Variants in UBE2QL1 observed in about 807,000 individuals in gnomAD.
UBE2QL1 encodes ubiquitin-conjugating enzyme E2Q-like protein 1.
A neutral mutation model predicts 12.6 loss-of-function variants in UBE2QL1; 5 were observed. That is an observed-to-expected ratio of 0.40 (90% CI 0.21 to 0.83). The LOEUF (loss-of-function observed/expected upper bound fraction) is 0.83, where lower values mean the gene tolerates loss of function less well. Among genes scored for constraint, UBE2QL1 ranks in the 40% least tolerant of loss-of-function variants. The probability of loss-of-function intolerance (pLI) is 0.37; values close to 1 mark genes in which losing one functional copy is unlikely to be tolerated. For missense variants in UBE2QL1, 99 were observed against 222.6 expected (o/e 0.44, Z 3.53); for synonymous variants, 96 against 94.5 (o/e 1.02, Z -0.10).
At chr5:6,482,567 C>T (rs1019697105) in intron 1 of UBE2QL1, among the ~76,000 whole-genome samples, 1 of 150,596 alleles carries the variant, frequency 6.6e-6, no homozygotes, top group African/African-American at 2.4e-5. Flanking sequence ...TAGGTACCCC[C>T]TCCTGCACTC....
In UBE2QL1 at chr5:6,480,583, A is replaced by G. The variant is rs1001865825; in HGVS notation, c.355-10635A>G. On this transcript the variant is annotated intron_variant, in intron 1 of 1. Coordinates refer to ENST00000399816, the MANE Select transcript of UBE2QL1 (RefSeq NM_001145161.3). ...TATCTCATATCATTACATTTTTAGC[A>G]AAAAGTTCCTTTTTCTGCGCTTGCT... Among the ~76,000 whole-genome samples the G allele has an allele frequency of 2.6e-5, 4 of 152,342 alleles. No individual in the cohort carries two copies. The South Asian group carries it at 8.3e-4, about 32-fold the overall frequency.
At chr5:6,482,780 C>A (rs924548269) in intron 1 of UBE2QL1, among the ~76,000 whole-genome samples, 1 of 152,192 alleles carries the variant, frequency 6.6e-6, no homozygotes, top group Admixed American at 6.5e-5. Context: ...CAACACTCTG[C>A]GGTGCACATG....
At chr5:6,469,561 A>AGT (rs763837213) in intron 1 of UBE2QL1, among the ~76,000 whole-genome samples, 5,726 of 146,188 alleles carry the variant, frequency 0.039, 131 homozygotes, top group South Asian at 0.089. Flanking sequence ...ATATAATCTA[A>AGT]GTGTGTGTGT....
intron 1 of UBE2QL1, among the ~76,000 whole-genome samples, chr5:6,489,276 T>C (rs1734520705): frequency 6.6e-6 from 1 of 151,768 alleles, no homozygotes. Context: ...AATAAAAAAT[T>C]AGATAAATGT....
At position 6,494,776 on chromosome 5, in the gene UBE2QL1, T is replaced by TAGG. The variant is rs1278937620; in HGVS notation, c.*3428_*3429insGGA. The TAGG allele has an allele frequency of 1.3e-5, 2 of 152,204 alleles. No individual in the cohort carries two copies. The highest frequency in any genetic ancestry group is 1.5e-5 in the Non-Finnish European group (1 of 68,038). 9.4% of individuals were successfully genotyped at this position (152,204 alleles called of 1,614,324 possible). On this transcript the variant is annotated 3_prime_UTR_variant, in exon 2 of 2. Coordinates refer to ENST00000399816, the MANE Select transcript of UBE2QL1 (RefSeq NM_001145161.3). ...ATACTTGCTTTCTGTCCCCAGTTCT[T>TAGG]ACATTAAGTCAACCAACTGACCCAA... is the stretch of plus-strand genomic sequence containing the variant.
chr5:6,480,259 A>G (rs1734332631), intron 1 of UBE2QL1, among the ~76,000 whole-genome samples: 1 of 152,180 alleles, frequency 6.6e-6, no homozygotes, highest in Non-Finnish European at 1.5e-5. Context: ...AGTGACTCCA[A>G]GCACCTTATT....
At chr5:6,461,520 C>T in intron 1 of UBE2QL1, among the ~76,000 whole-genome samples, 1 of 142,542 alleles carries the variant, frequency 7.0e-6, no homozygotes, top group Non-Finnish European at 1.5e-5. Flanking sequence ...TCCTCCTATC[C>T]CCAGTGTTTT....
intron 1 of UBE2QL1, among the ~76,000 whole-genome samples, chr5:6,463,784 T>C (rs272478): frequency 0.72 from 108,213 of 150,308 alleles, 39,292 homozygotes; most frequent in Non-Finnish European, 0.78. Flanking sequence ...CCCGCCACCA[T>C]GCCTGGCTAA....
At chr5:6,485,978 A>G (rs781617517) in intron 1 of UBE2QL1, among the ~76,000 whole-genome samples, 3 of 152,232 alleles carry the variant, frequency 2.0e-5, no homozygotes, top group Non-Finnish European at 4.4e-5. Flanking sequence ...AGACAGAAAT[A>G]TGGTGTATTC....
rs1446295235 is a variant in UBE2QL1 at position 6,495,029 on chromosome 5, A to G, written c.*3680A>G. The G allele has an allele frequency of 1.3e-5, 2 of 152,264 alleles. No individual in the cohort carries two copies. Among genetic ancestry groups the G allele is most frequent in the Non-Finnish European group, 2.9e-5 (2 of 68,050 alleles). The allele number at this position is 152,264 out of a possible 1,614,324, so 9.4% of individuals were successfully genotyped here. A position where few individuals can be genotyped will look rare whatever the true frequency, so the allele number is the denominator to read the frequency against. The stretch of plus-strand genomic sequence containing the variant: ...TCTGACTGAAAACCAGAAAGATTTC[A>G]TGGAGTAAATCAGGTTTGAGCCATG... On this transcript the variant is annotated 3_prime_UTR_variant, in exon 2 of 2. Transcript: ENST00000399816.
chr5:6,475,681 G>A (rs1319382002), intron 1 of UBE2QL1, among the ~76,000 whole-genome samples: 2 of 151,402 alleles, frequency 1.3e-5, no homozygotes, highest in African/African-American at 2.4e-5. Flanking sequence ...GGCAGGGCCC[G>A]GGGGAAGTGT....
chr5:6,485,398 T>A (rs538471354), intron 1 of UBE2QL1, among the ~76,000 whole-genome samples: 4 of 152,368 alleles, frequency 2.6e-5, no homozygotes, highest in South Asian at 4.1e-4. Context: ...GCTTTGAACA[T>A]TAAACCTTAA....
chr5:6,488,686 A>G (rs951924341), intron 1 of UBE2QL1, among the ~76,000 whole-genome samples: 1 of 151,948 alleles, frequency 6.6e-6, no homozygotes, highest in African/African-American at 2.4e-5. Context: ...TGTAGCACCA[A>G]CTACCTGGGA....
In UBE2QL1 at chr5:6,476,282, A is replaced by G. The variant is rs2126358463; in HGVS notation, c.355-14936A>G. Among the ~76,000 whole-genome samples, 1 of 152,358 alleles carries G rather than the reference A, an allele frequency of 6.6e-6. No homozygotes were observed. Among genetic ancestry groups the G allele is most frequent in the African/African-American group, 2.4e-5 (1 of 41,584 alleles). ...AGCACCTCAGGAGCAGCCAAGGCAT[A>G]AAGCAGTCAACGCGGTGCCCTCAGG... On this transcript the variant is annotated intron_variant, in intron 1 of 1. Coordinates refer to ENST00000399816, the MANE Select transcript of UBE2QL1 (RefSeq NM_001145161.3). The surrounding 1 kb of genome is among the most constrained non-coding windows in gnomAD (Gnocchi z 4.9).
chr5:6,454,913 G>A (rs1008878831), intron 1 of UBE2QL1, among the ~76,000 whole-genome samples: 5 of 152,088 alleles, frequency 3.3e-5, no homozygotes, highest in African/African-American at 1.2e-4. Context: ...GGAAAAAATA[G>A]CTACTTGTTC....
intron 1 of UBE2QL1, among the ~76,000 whole-genome samples, chr5:6,453,248 A>G (rs1280858430): frequency 6.6e-6 from 1 of 152,210 alleles, no homozygotes; most frequent in African/African-American, 2.4e-5. Context: ...ATACAGCCAC[A>G]TGCTCTCATA....
intron 1 of UBE2QL1, among the ~76,000 whole-genome samples, chr5:6,454,940 A>C (rs539167955): frequency 5.3e-5 from 8 of 152,146 alleles, no homozygotes; most frequent in Non-Finnish European, 8.8e-5. Flanking sequence ...CAAGTAGGGC[A>C]GGCAGGAGGA....
chr5:6,468,213 G>GA (rs1468312271), intron 1 of UBE2QL1, among the ~76,000 whole-genome samples: 1 of 152,128 alleles, frequency 6.6e-6, no homozygotes, highest in Non-Finnish European at 1.5e-5. Flanking sequence ...CTGCTGTCTT[G>GA]AAAATGCCTT....
At chr5:6,449,873 C>CA (rs1739377158) in intron 1 of UBE2QL1, among the ~76,000 whole-genome samples, 1 of 145,668 alleles carries the variant, frequency 6.9e-6, no homozygotes, top group Non-Finnish European at 1.5e-5. Context: ...CCCCAACCCC[C>CA]CCCACACACA....
Sources: allele counts gnomAD v4.1 joint callset (sites outside exome capture counted in the v4.1 genomes callset), GRCh38; gene constraint gnomAD v4.1.1; non-coding constraint Gnocchi (gnomAD v3.1); transcripts MANE v1.5; gene names NCBI Gene and HGNC (gene_info 2026-07-23, HGNC 2026-07-21).